Variants in CNTN5 observed in about 807,000 individuals in gnomAD.
CNTN5 encodes contactin 5.
Under a neutral mutation model 129.1 loss-of-function variants are expected in CNTN5, and 77 were observed. That is an observed-to-expected ratio of 0.60 (90% CI 0.50 to 0.72). The LOEUF is 0.72. CNTN5 is among the 30% of genes least tolerant of loss of function. The pLI is 0.00. For synonymous variants in CNTN5, 509 were observed against 465.6 expected (o/e 1.09, Z -1.20); for missense variants, 1,478 against 1,328.8 (o/e 1.11, Z -1.75).
chr11:99,918,929 G>A (rs959504740), intron 7 of CNTN5, among the ~76,000 whole-genome samples: 12 of 151,968 alleles, frequency 7.9e-5, no homozygotes, highest in Non-Finnish European at 1.2e-4. Context: ...TGCTGAAACC[G>A]CCCTTCCTGC....
chr11:99,994,078 A>G (rs1939294812), intron 8 of CNTN5, among the ~76,000 whole-genome samples: 1 of 152,048 alleles, frequency 6.6e-6, no homozygotes, highest in Non-Finnish European at 1.5e-5. Context: ...TTATTTGAGG[A>G]ACTCCAGAAG....
chr11:99,737,516 T>C (rs535907606), intron 3 of CNTN5, among the ~76,000 whole-genome samples: 5 of 152,306 alleles, frequency 3.3e-5, no homozygotes, highest in Admixed American at 2.0e-4. Flanking sequence ...TGGTGTCTGC[T>C]TTTTCAATTT....
At chr11:99,444,456 T>G (rs967959992) in intron 2 of CNTN5, among the ~76,000 whole-genome samples, 1 of 152,150 alleles carries the variant, frequency 6.6e-6, no homozygotes, top group Non-Finnish European at 1.5e-5. Context: ...AAATGCCCAA[T>G]CTCACTATGT....
intron 2 of CNTN5, among the ~76,000 whole-genome samples, chr11:99,519,724 T>C (rs1321459617): frequency 6.6e-6 from 1 of 152,092 alleles, no homozygotes; most frequent in Non-Finnish European, 1.5e-5. Flanking sequence ...AAAATATACA[T>C]TTCACATTCC....
rs531686742 is a variant in CNTN5 at position 99,932,159 on chromosome 11, C to T, written c.673+16010C>T. 1.0e-4 allele frequency among the ~76,000 whole-genome samples: 15 copies of T among 148,032 alleles called. No homozygotes were observed. The East Asian group carries it at 2.9e-3, about 29-fold the overall frequency. On this transcript the variant is annotated intron_variant, in intron 7 of 24. Transcript: ENST00000524871. ...CAGTGCCAGAAATGCTTACCCATCT[C>T]CCTTATGCACTTTTGTTGAAACGTG...
At chr11:99,292,352 C>A (rs1006375016) in intron 1 of CNTN5, among the ~76,000 whole-genome samples, 7 of 151,432 alleles carry the variant, frequency 4.6e-5, no homozygotes, top group African/African-American at 7.3e-5. Context: ...AATACTAAAT[C>A]TGGGGATGTA....
intron 1 of CNTN5, among the ~76,000 whole-genome samples, chr11:99,145,298 G>A (rs1359824202): frequency 6.6e-6 from 1 of 151,966 alleles, no homozygotes; most frequent in Non-Finnish European, 1.5e-5. Context: ...TCGAACTCCT[G>A]GACTCAAATG....
intron 2 of CNTN5, among the ~76,000 whole-genome samples, chr11:99,544,172 G>A (rs1948210600): frequency 6.6e-6 from 1 of 152,044 alleles, no homozygotes; most frequent in African/African-American, 2.4e-5. Flanking sequence ...GGTGAAGCAG[G>A]ACCAAGAGGA....
intron 1 of CNTN5, among the ~76,000 whole-genome samples, chr11:99,261,837 A>G (rs1429999603): frequency 6.6e-6 from 1 of 152,000 alleles, no homozygotes; most frequent in African/African-American, 2.4e-5. Context: ...TTTCAGTACA[A>G]TCTGATTGAC....
chr11:99,144,737 T>C (rs1454646980), intron 1 of CNTN5, among the ~76,000 whole-genome samples: 5 of 152,194 alleles, frequency 3.3e-5, no homozygotes, highest in South Asian at 4.1e-4. Context: ...ATTTCATTCA[T>C]TGAATTTTTA....
intron 13 of CNTN5, among the ~76,000 whole-genome samples, chr11:100,181,299 A>T (rs1436586293): frequency 6.6e-6 from 1 of 151,234 alleles, no homozygotes; most frequent in African/African-American, 2.4e-5. Flanking sequence ...ATTGAAAAAA[A>T]CCAATCCCCA....
chr11:99,519,307 G>A, intron 2 of CNTN5, among the ~76,000 whole-genome samples: 1 of 151,866 alleles, frequency 6.6e-6, no homozygotes, highest in East Asian at 1.9e-4. Flanking sequence ...TTCCTCTACT[G>A]TCTTTCTTAT....
rs869110173 is a variant in CNTN5 at position 99,573,589 on chromosome 11, TA to T, written c.55+17326del. ...ACTCCGTCTCAAAAAAAAATAAAAA[TA>T]AAAAATAAAAAATAAAAATAGTTCC... is the stretch of plus-strand genomic sequence containing the variant. On this transcript the variant is annotated intron_variant, in intron 3 of 24. Transcript: ENST00000524871. Among the ~76,000 whole-genome samples the T allele has an allele frequency of 0.037, 101 of 2,706 alleles. 2 individuals are homozygous for T. In the Middle Eastern group the frequency reaches 0.67, roughly 18 times the overall value. The allele number at this position is 2,706 out of a possible 152,430, so 1.8% of individuals were successfully genotyped here.
At chr11:99,686,264 G>A (rs1953788053) in intron 3 of CNTN5, among the ~76,000 whole-genome samples, 1 of 152,048 alleles carries the variant, frequency 6.6e-6, no homozygotes, top group South Asian at 2.1e-4. Flanking sequence ...CTTATTTAGA[G>A]TCATTTTTAT....
At chr11:99,668,012 G>A (rs1952869129) in intron 3 of CNTN5, among the ~76,000 whole-genome samples, 1 of 152,122 alleles carries the variant, frequency 6.6e-6, no homozygotes, top group South Asian at 2.1e-4. Context: ...ATTGCTTAAT[G>A]TAAAAATTAT....
intron 8 of CNTN5, among the ~76,000 whole-genome samples, chr11:99,999,054 T>C (rs1939666946): frequency 6.6e-6 from 1 of 152,018 alleles, no homozygotes; most frequent in Non-Finnish European, 1.5e-5. Flanking sequence ...ATAAAAACCC[T>C]AGAAGAAAAC....
chr11:100,044,303 T>G (rs12272281), intron 9 of CNTN5, among the ~76,000 whole-genome samples: 18,299 of 152,046 alleles, frequency 0.12, 1,335 homozygotes, highest in Middle Eastern at 0.27. Flanking sequence ...AGTGCAGGTA[T>G]ATTTTTAATA....
chr11:100,286,333 C>G (rs1400394915), intron 18 of CNTN5, among the ~76,000 whole-genome samples: 2 of 152,208 alleles, frequency 1.3e-5, no homozygotes, highest in East Asian at 3.9e-4. Flanking sequence ...ACAGCAGGAA[C>G]CTCTGCAGAC....
At chr11:99,614,951 G>A (rs533188178) in intron 3 of CNTN5, among the ~76,000 whole-genome samples, 1 of 151,382 alleles carries the variant, frequency 6.6e-6, no homozygotes, top group East Asian at 1.9e-4. Context: ...TGTTGTTTAT[G>A]TGTGTGTGTG....
Sources: allele counts gnomAD v4.1 joint callset (sites outside exome capture counted in the v4.1 genomes callset), GRCh38; gene constraint gnomAD v4.1.1; transcripts MANE v1.5; gene names NCBI Gene and HGNC (gene_info 2026-07-23, HGNC 2026-07-21).